TLL2: variants seen among roughly 807,000 people sequenced by gnomAD.
TLL2 encodes tolloid-like protein 2.
In TLL2, 106 loss-of-function variants were observed where a neutral mutation model predicts 123.0. The observed-to-expected ratio is 0.86, with a 90% CI of 0.74 to 1.01. The LOEUF (loss-of-function observed/expected upper bound fraction) is 1.01, where lower values mean the gene tolerates loss of function less well. Among genes scored for constraint, TLL2 ranks in the 50% least tolerant of loss-of-function variants. The pLI is 0.00. For missense variants in TLL2, 1,332 were observed against 1,336.7 expected (o/e 1.00, Z 0.06); for synonymous variants, 494 against 516.8 (o/e 0.96, Z 0.60).
intron 2 of TLL2, among the ~76,000 whole-genome samples, chr10:96,453,174 G>A (rs1846977976): frequency 6.6e-6 from 1 of 152,170 alleles, no homozygotes; most frequent in Non-Finnish European, 1.5e-5. Flanking sequence ...CAGGCAATAA[G>A]GCTGGGTGCA....
intron 16 of TLL2, among the ~76,000 whole-genome samples, chr10:96,380,589 A>G (rs1351714660): frequency 6.8e-6 from 1 of 148,048 alleles, no homozygotes; most frequent in Non-Finnish European, 1.5e-5. Context: ...GCTACTCGGG[A>G]GGCTGAGGCA....
intron 18 of TLL2, chr10:96,374,207 G>A: frequency 4.8e-6 from 1 of 208,694 alleles, no homozygotes; most frequent in South Asian, 9.3e-5. Context: ...AGCCAGCAAG[G>A]GCTGAGTGCC....
rs764288437 is a variant in TLL2, at chr10:96,428,611, C to T, written c.638+20G>A. 9 of 1,526,646 alleles carry T rather than the reference C, an allele frequency of 5.9e-6. No homozygotes were observed. Among genetic ancestry groups the T allele is most frequent in the South Asian group, 3.4e-5 (3 of 88,560 alleles). The allele number at this position is 1,526,646 out of a possible 1,614,324, so 94.6% of individuals were successfully genotyped here. A position where few individuals can be genotyped will look rare whatever the true frequency, so the allele number is the denominator to read the frequency against. On this transcript the variant is annotated intron_variant, in intron 5 of 20. Coordinates refer to ENST00000357947, the MANE Select transcript of TLL2 (RefSeq NM_012465.4). ...CATCCGACTGATTCTGCAGAGGTGG[C>T]CTCGCTTTCGTTTACTTACCCACAG...
intron 3 of TLL2, among the ~76,000 whole-genome samples, chr10:96,441,818 G>T (rs1846853246): frequency 6.6e-6 from 1 of 152,182 alleles, no homozygotes; most frequent in South Asian, 2.1e-4. Context: ...GGGCTCAGTT[G>T]TTACACCCAA....
At chr10:96,457,990 G>A (rs2093149242) in intron 2 of TLL2, among the ~76,000 whole-genome samples, 1 of 152,106 alleles carries the variant, frequency 6.6e-6, no homozygotes, top group African/African-American at 2.4e-5. Context: ...CATCTCCTTT[G>A]CTGATGTCTC....
intron 1 of TLL2, among the ~76,000 whole-genome samples, chr10:96,504,015 G>A (rs961686308): frequency 1.3e-5 from 2 of 152,164 alleles, no homozygotes; most frequent in Admixed American, 6.5e-5. Context: ...TCGTGTGCAG[G>A]TCTTAGCCCA....
Position 96,370,085 on chromosome 10 carries a change from C to T in TLL2, c.2893G>A (p.Gly965Ser), listed in dbSNP as rs755863897. Residue 965 changes from glycine (G) to serine (S), a missense_variant, in exon 20 of 21, where the codon GGC (glycine) becomes AGC (serine). By Grantham distance (56) the Gly-to-Ser change is moderately conservative. Transcript: ENST00000357947. The part of the protein sequence containing the change: ...DGYDSSAPRL[G>S]RFCGSGPLEE... ...CTTACCCCAGAGCCACAGAAGCGGC[C>T]GAGCCTGGGCGCTGAGCTGTCGTAG... The T allele has an allele frequency of 6.2e-7, 1 of 1,600,872 alleles. No homozygotes were observed. Among genetic ancestry groups the T allele is most frequent in the East Asian group, 2.2e-5 (1 of 44,590 alleles).
chr10:96,460,066 A>G (rs1847064829), intron 2 of TLL2, among the ~76,000 whole-genome samples: 1 of 152,178 alleles, frequency 6.6e-6, no homozygotes, highest in Non-Finnish European at 1.5e-5. Flanking sequence ...TAACTTCAAA[A>G]GCCTTAAAAG....
intron 2 of TLL2, among the ~76,000 whole-genome samples, chr10:96,460,164 T>C (rs1847066362): frequency 6.6e-6 from 1 of 152,198 alleles, no homozygotes; most frequent in African/African-American, 2.4e-5. Context: ...ATACCTGCAT[T>C]GAAGATAATA....
At chr10:96,394,010 A>G (rs947841459) in intron 13 of TLL2, among the ~76,000 whole-genome samples, 1 of 152,216 alleles carries the variant, frequency 6.6e-6, no homozygotes, top group Admixed American at 6.5e-5. Flanking sequence ...AGCTTCAGTA[A>G]GGACGAATGG....
At chr10:96,391,903 G>T (rs953769776) in intron 13 of TLL2, among the ~76,000 whole-genome samples, 4 of 152,208 alleles carry the variant, frequency 2.6e-5, no homozygotes, top group African/African-American at 9.6e-5. Context: ...ACTTTGACAG[G>T]CATCTGAAAA....
chr10:96,450,796 A>C (rs1428034205), intron 2 of TLL2, among the ~76,000 whole-genome samples: 2 of 152,064 alleles, frequency 1.3e-5, no homozygotes, highest in African/African-American at 2.4e-5. Context: ...GGGAGGGGAG[A>C]GTTTTCAGGG....
intron 1 of TLL2, among the ~76,000 whole-genome samples, chr10:96,486,648 A>T (rs576365381): frequency 6.6e-5 from 10 of 152,340 alleles, no homozygotes; most frequent in African/African-American, 2.4e-4. Context: ...CGTGCCCAGC[A>T]TCCTCCTGCT....
At chr10:96,454,731 T>G (rs930303547) in intron 2 of TLL2, among the ~76,000 whole-genome samples, 4 of 152,202 alleles carry the variant, frequency 2.6e-5, no homozygotes, top group Admixed American at 6.5e-5. Flanking sequence ...AGCGAATACA[T>G]GCAAGGCAGA....
At position 96,405,333 on chromosome 10, in the gene TLL2, A is replaced by C. The variant is rs763487933; in HGVS notation, c.1166T>G (p.Ile389Ser). The change falls in exon 10 of 21, where the codon ATC becomes AGC. Residue 389 changes from isoleucine (I) to serine (S), a missense_variant and splice_region_variant. Ile to Ser is a moderately radical substitution (Grantham distance 142). Transcript: ENST00000357947. ...WRISVTPGEK[I>S]VLNFTSMDLF... ...ATCCATGGATGTGAAGTTTAATACG[A>C]TCTGTAAAGAATTACCATAAAGTGA... 3.7e-6 allele frequency: 6 copies of C among 1,613,896 alleles called. No individual in the cohort carries two copies. The highest frequency in any genetic ancestry group is 5.1e-6 in the Non-Finnish European group (6 of 1,179,898).
chr10:96,430,396 T>G (rs776248198), intron 4 of TLL2, among the ~76,000 whole-genome samples: 37 of 152,224 alleles, frequency 2.4e-4, no homozygotes, highest in Non-Finnish European at 4.9e-4. Context: ...GCCACCATGC[T>G]TCTCAGACAG....
At chr10:96,427,895 A>G (rs1846694461) in intron 5 of TLL2, among the ~76,000 whole-genome samples, 1 of 152,084 alleles carries the variant, frequency 6.6e-6, no homozygotes, top group Admixed American at 6.5e-5. Context: ...CCCAGCTCCA[A>G]GCGATTCTCC....
chr10:96,419,310 G>A (rs1391189708), intron 7 of TLL2, among the ~76,000 whole-genome samples: 1 of 152,152 alleles, frequency 6.6e-6, no homozygotes, highest in Non-Finnish European at 1.5e-5. Flanking sequence ...GAGCTGGAAG[G>A]GGCTCAGAGA....
chr10:96,368,866 A>G (rs1244820803), intron 20 of TLL2, among the ~76,000 whole-genome samples: 1 of 152,186 alleles, frequency 6.6e-6, no homozygotes, highest in Non-Finnish European at 1.5e-5. Context: ...CCCACAGTTA[A>G]CTGCTCAGTT....
Sources: gnomAD v4.1 joint callset for allele counts (sites outside exome capture counted in the v4.1 genomes callset) on GRCh38, gnomAD v4.1.1 for gene constraint, MANE v1.5 for transcripts, NCBI Gene and HGNC (gene_info 2026-07-23, HGNC 2026-07-21) for gene names.